Variants in PHACTR1 observed in about 807,000 individuals in gnomAD.
PHACTR1 encodes the protein phosphatase and actin regulator 1, also known as RPEL repeat containing 1.
PHACTR1 carries 16 observed loss-of-function variants against 69.2 expected under a neutral mutation model. That is an observed-to-expected ratio of 0.23 (90% CI 0.16 to 0.35). The LOEUF (loss-of-function observed/expected upper bound fraction) is 0.35. Among genes scored for constraint, PHACTR1 ranks in the 10% least tolerant of loss-of-function variants. The pLI is 1.00. For missense variants in PHACTR1, 510 were observed against 734.7 expected (o/e 0.69, Z 3.54); for synonymous variants, 312 against 284.5 (o/e 1.10, Z -0.97).
intron 4 of PHACTR1, among the ~76,000 whole-genome samples, chr6:12,963,811 T>A (rs2127571677): frequency 6.6e-6 from 1 of 152,326 alleles, no homozygotes; most frequent in African/African-American, 2.4e-5. Context: ...CTCTTGTTGT[T>A]ATTAGAATGA....
chr6:12,819,409 C>T (rs1008769002), intron 4 of PHACTR1, among the ~76,000 whole-genome samples: 6 of 152,162 alleles, frequency 3.9e-5, no homozygotes, highest in Non-Finnish European at 8.8e-5. Flanking sequence ...TGGTCTGAGT[C>T]TCTCATATAT....
chr6:12,976,956 G>A (rs896210751), intron 4 of PHACTR1, among the ~76,000 whole-genome samples: 2 of 152,054 alleles, frequency 1.3e-5, no homozygotes, highest in East Asian at 3.9e-4. Context: ...TATAGGGTTC[G>A]CTATGATCTG....
chr6:12,981,367 T>C (rs561098465), intron 4 of PHACTR1, among the ~76,000 whole-genome samples: 2 of 152,342 alleles, frequency 1.3e-5, no homozygotes, highest in Non-Finnish European at 2.9e-5. Context: ...GTTACTGATA[T>C]GATTTTGTGC....
At chr6:12,751,003 T>A (rs1366766956) in intron 4 of PHACTR1, among the ~76,000 whole-genome samples, 1 of 151,856 alleles carries the variant, frequency 6.6e-6, no homozygotes, top group Non-Finnish European at 1.5e-5. Context: ...TGCGCGTGCG[T>A]GCGCGTGCAT....
At chr6:13,248,855 G>A (rs777616850) in intron 10 of PHACTR1, among the ~76,000 whole-genome samples, 104 of 152,152 alleles carry the variant, frequency 6.8e-4, no homozygotes, top group Middle Eastern at 3.2e-3. Flanking sequence ...AAGCCACAGC[G>A]GAGAGAAAGT....
rs371273670 is a variant in PHACTR1 at position 12,927,511 on chromosome 6, A to C, written c.251-125854A>C. Reference sequence around the variant, plus strand: ...TCTCAGTTGCCACATTAAGCCTATCAAGAAGGTACTATTAGTATTCCCATT... The same window carrying C: ...TCTCAGTTGCCACATTAAGCCTATCCAGAAGGTACTATTAGTATTCCCATT... On this transcript the variant is annotated intron_variant, in intron 4 of 14. Transcript: ENST00000332995. Among the ~76,000 whole-genome samples, 7 of 152,378 alleles carry C rather than the reference A, an allele frequency of 4.6e-5. No homozygotes were observed. In the Middle Eastern group the frequency reaches 0.017, roughly 370 times the overall value.
intron 4 of PHACTR1, among the ~76,000 whole-genome samples, chr6:12,954,756 C>T (rs1791678576): frequency 6.6e-6 from 1 of 152,190 alleles, no homozygotes; most frequent in Non-Finnish European, 1.5e-5. Flanking sequence ...TATTGTTCCA[C>T]CCAAGAGATT....
intron 4 of PHACTR1, among the ~76,000 whole-genome samples, chr6:13,002,881 C>T (rs1582911111): frequency 6.6e-6 from 1 of 152,142 alleles, no homozygotes; most frequent in African/African-American, 2.4e-5. Context: ...TGTCTGAGAA[C>T]TTAAACTTTT....
intron 8 of PHACTR1, among the ~76,000 whole-genome samples, chr6:13,207,493 G>A (rs1001425895): frequency 2.0e-5 from 3 of 152,186 alleles, no homozygotes; most frequent in Non-Finnish European, 4.4e-5. Flanking sequence ...TGACCCCACA[G>A]GCAGGCCTGC....
At chr6:12,824,050 C>A (rs535139513) in intron 4 of PHACTR1, among the ~76,000 whole-genome samples, 1 of 152,138 alleles carries the variant, frequency 6.6e-6, no homozygotes, top group Non-Finnish European at 1.5e-5. Flanking sequence ...GGCAAGCAGG[C>A]GGAACGTCAT....
At chr6:13,240,490 G>A (rs1295124119) in intron 10 of PHACTR1, among the ~76,000 whole-genome samples, 2 of 151,968 alleles carry the variant, frequency 1.3e-5, no homozygotes, top group Non-Finnish European at 2.9e-5. Flanking sequence ...TGTTGCCCAG[G>A]CTGGAGTGCA....
intron 4 of PHACTR1, among the ~76,000 whole-genome samples, chr6:12,821,380 T>C (rs536081032): frequency 6.6e-6 from 1 of 151,196 alleles, no homozygotes; most frequent in Admixed American, 6.6e-5. Context: ...GGAGAATTGC[T>C]TGAACCTGGG....
intron 4 of PHACTR1, among the ~76,000 whole-genome samples, chr6:12,777,625 C>CTTTTTTTTT (rs869096915): frequency 1.4e-4 from 14 of 99,012 alleles, no homozygotes; most frequent in African/African-American, 1.9e-4. Context: ...CTTTCTTCTT[C>CTTTTTTTTT]TTTTTTTTTT....
intron 12 of PHACTR1, chr6:13,280,837 G>T (rs1451496760): frequency 6.4e-6 from 4 of 620,888 alleles, no homozygotes; most frequent in South Asian, 1.7e-5. Context: ...TTCAAGGAAG[G>T]ACTTCAGGTT....
intron 5 of PHACTR1, among the ~76,000 whole-genome samples, chr6:13,091,183 G>A (rs370488033): frequency 9.9e-5 from 15 of 152,036 alleles, no homozygotes; most frequent in African/African-American, 3.6e-4. Context: ...ATTTTTAGTA[G>A]AGACGGGTTT....
chr6:12,744,813 T>C (rs946767190), intron 3 of PHACTR1, among the ~76,000 whole-genome samples: 1 of 152,224 alleles, frequency 6.6e-6, no homozygotes, highest in Non-Finnish European at 1.5e-5. Context: ...ATGAATTCCA[T>C]AGGTATAAAA....
At chr6:12,831,207 A>G (rs1777544036) in intron 4 of PHACTR1, among the ~76,000 whole-genome samples, 1 of 152,232 alleles carries the variant, frequency 6.6e-6, no homozygotes, top group Non-Finnish European at 1.5e-5. Context: ...ATAACTGGCT[A>G]CATGAACAAA....
At chr6:12,824,685 T>G (rs189869888) in intron 4 of PHACTR1, among the ~76,000 whole-genome samples, 1 of 152,356 alleles carries the variant, frequency 6.6e-6, no homozygotes, top group Admixed American at 6.5e-5. Flanking sequence ...CTATTTTCAT[T>G]GCATGCTTCA....
At chr6:12,741,432 A>T (rs1253413860) in intron 3 of PHACTR1, among the ~76,000 whole-genome samples, 1 of 151,902 alleles carries the variant, frequency 6.6e-6, no homozygotes, top group Non-Finnish European at 1.5e-5. Context: ...ATCCATTTGG[A>T]ATTTAATATT....
Sources: gnomAD v4.1 joint callset for allele counts (sites outside exome capture counted in the v4.1 genomes callset) on GRCh38, gnomAD v4.1.1 for gene constraint, MANE v1.5 for transcripts, NCBI Gene and HGNC (gene_info 2026-07-23, HGNC 2026-07-21) for gene names.